SLC44A5: variants seen among roughly 807,000 people sequenced by gnomAD.
The protein encoded by SLC44A5 is solute carrier family 44 member 5, also known as choline transporter-like protein 5.
SLC44A5 carries 57 observed loss-of-function variants against 101.8 expected under a neutral mutation model. The ratio of observed to expected loss-of-function variants is 0.56; its 90% confidence interval spans 0.45 to 0.70. The LOEUF (loss-of-function observed/expected upper bound fraction) is 0.70, where lower values mean the gene tolerates loss of function less well. Ranked by LOEUF, SLC44A5 falls within the 30% of genes least tolerant of loss-of-function variation. SLC44A5 has a pLI of 0.00. For missense variants in SLC44A5, 737 were observed against 853.1 expected (o/e 0.86, Z 1.70); for synonymous variants, 281 against 290.9 (o/e 0.97, Z 0.35).
intron 7 of SLC44A5, among the ~76,000 whole-genome samples, chr1:75,247,346 T>C (rs1056614306): frequency 1.3e-5 from 2 of 152,074 alleles, no homozygotes; most frequent in Non-Finnish European, 2.9e-5. Context: ...TGGGGAACAA[T>C]TTTAGGGATA....
intron 2 of SLC44A5, among the ~76,000 whole-genome samples, chr1:75,397,501 C>T (rs989801137): frequency 1.3e-5 from 2 of 151,986 alleles, no homozygotes; most frequent in Non-Finnish European, 2.9e-5. Context: ...CCAGGGAAAG[C>T]GAACATTTGT....
intron 4 of SLC44A5, 66 bp downstream of exon 4, chr1:75,339,515 TC>T (rs1165309969): frequency 1.6e-6 from 2 of 1,283,812 alleles, no homozygotes; most frequent in East Asian, 4.8e-5. Flanking sequence ...AAACAGTACC[TC>T]CCCCATCCCC....
intron 3 of SLC44A5, among the ~76,000 whole-genome samples, chr1:75,356,126 T>C (rs898715065): frequency 7.4e-5 from 11 of 149,562 alleles, no homozygotes; most frequent in Non-Finnish European, 1.5e-4. Flanking sequence ...GGCATGAGAA[T>C]TGCTTGAACT....
chr1:75,679,736 T>G, the SLC44A5 span, among the ~76,000 whole-genome samples: 1 of 151,680 alleles, frequency 6.6e-6, no homozygotes, highest in Non-Finnish European at 1.5e-5. Context: ...AACATCATAA[T>G]GACAGGATCA....
At chr1:75,605,467 T>A (rs1035807767) in intron 1 of SLC44A5, among the ~76,000 whole-genome samples, 38 of 152,088 alleles carry the variant, frequency 2.5e-4, no homozygotes, top group African/African-American at 8.0e-4. Flanking sequence ...CCACCCCTCC[T>A]TTCATATTAA....
rs964934261 is a variant in SLC44A5 at position 75,418,134 on chromosome 1, C to G, written c.14-21513G>C. ...AATTGTATGTTTTCTTATAATGATT[C>G]TTGTTGCTTGCGTTCTGTGCCCTGC... On this transcript the variant is annotated intron_variant, in intron 2 of 23. Transcript: ENST00000370859. 5.3e-5 allele frequency among the ~76,000 whole-genome samples: 8 copies of G among 152,282 alleles called. 1 individual carries two copies. The South Asian group carries it at 1.4e-3, about 28-fold the overall frequency.
chr1:75,661,400 A>AAAAAC, the SLC44A5 span, among the ~76,000 whole-genome samples: 1 of 148,748 alleles, frequency 6.7e-6, no homozygotes, highest in East Asian at 1.9e-4. Flanking sequence ...AAAAAAAAAA[A>AAAAAC]AAAAAAAAAA....
chr1:75,460,161 C>T (rs770208257), intron 2 of SLC44A5, among the ~76,000 whole-genome samples: 1 of 152,176 alleles, frequency 6.6e-6, no homozygotes, highest in Non-Finnish European at 1.5e-5. Flanking sequence ...ATGAGCTCTG[C>T]TGTAGGAGCT....
intron 2 of SLC44A5, among the ~76,000 whole-genome samples, chr1:75,448,330 G>A (rs1426846606): frequency 6.6e-6 from 1 of 152,190 alleles, no homozygotes; most frequent in Non-Finnish European, 1.5e-5. Context: ...CCCAGCCCAT[G>A]GGAAGGCACT....
chr1:75,250,669 C>T (rs1418458939), intron 7 of SLC44A5, among the ~76,000 whole-genome samples: 1 of 152,084 alleles, frequency 6.6e-6, no homozygotes, highest in African/African-American at 2.4e-5. Context: ...ATGTTTTATT[C>T]ATCCTCACTG....
intron 14 of SLC44A5, among the ~76,000 whole-genome samples, chr1:75,222,106 G>A (rs111546041): frequency 0.075 from 11,317 of 151,812 alleles, 556 homozygotes; most frequent in Middle Eastern, 0.13. Context: ...ACAGGCATGC[G>A]CCACCACGCC....
At chr1:75,516,242 C>T (rs188949159) in intron 2 of SLC44A5, among the ~76,000 whole-genome samples, 27 of 152,244 alleles carry the variant, frequency 1.8e-4, no homozygotes, top group Non-Finnish European at 2.4e-4. Context: ...AGGCCGGGCG[C>T]GGTGGCTCAC....
the SLC44A5 span, among the ~76,000 whole-genome samples, chr1:75,640,593 C>G: frequency 6.6e-6 from 1 of 152,074 alleles, no homozygotes; most frequent in Non-Finnish European, 1.5e-5. Context: ...CTCATTCTCT[C>G]TCTCTCTCTG....
chr1:75,662,375 T>G, the SLC44A5 span, among the ~76,000 whole-genome samples: 39 of 152,008 alleles, frequency 2.6e-4, no homozygotes, highest in African/African-American at 7.7e-4. Flanking sequence ...AGCTGGAGTA[T>G]GAAGAGGGGT....
intron 2 of SLC44A5, among the ~76,000 whole-genome samples, chr1:75,425,731 C>G (rs374151165): frequency 3.9e-5 from 6 of 152,258 alleles, no homozygotes; most frequent in East Asian, 3.9e-4. Context: ...GTTAGGTCCC[C>G]CTTGAACATG....
chr1:75,386,345 A>G (rs554033530), intron 3 of SLC44A5, among the ~76,000 whole-genome samples: 1 of 152,306 alleles, frequency 6.6e-6, no homozygotes, highest in South Asian at 2.1e-4. Flanking sequence ...TAAGCTGATA[A>G]GCAACTTCAG....
chr1:75,405,237 A>AC (rs1284885595), intron 2 of SLC44A5, among the ~76,000 whole-genome samples: 1 of 152,106 alleles, frequency 6.6e-6, no homozygotes, highest in African/African-American at 2.4e-5. Flanking sequence ...AGAGACTTAG[A>AC]CCCCCACACA....
At chr1:75,267,781 G>A (rs1480537118) in intron 6 of SLC44A5, among the ~76,000 whole-genome samples, 1 of 151,770 alleles carries the variant, frequency 6.6e-6, no homozygotes, top group Non-Finnish European at 1.5e-5. Context: ...ATGTTGCCCA[G>A]GCCAGTCTTG....
chr1:75,282,958 G>A (rs955496158), intron 5 of SLC44A5, among the ~76,000 whole-genome samples: 12 of 152,044 alleles, frequency 7.9e-5, no homozygotes, highest in African/African-American at 2.4e-4. Context: ...ATCGGGTGAC[G>A]GTAAACATGC....
Sources: allele counts gnomAD v4.1 joint callset (sites outside exome capture counted in the v4.1 genomes callset), GRCh38; gene constraint gnomAD v4.1.1; transcripts MANE v1.5; gene names NCBI Gene and HGNC (gene_info 2026-07-23, HGNC 2026-07-21).